Variants in ITSN2 observed in about 807,000 individuals in gnomAD.
ITSN2 encodes the protein intersectin 2, also known as intersectin-2.
ITSN2 carries 156 observed loss-of-function variants against 243.7 expected under a neutral mutation model. The observed-to-expected ratio is 0.64, with a 90% CI of 0.56 to 0.73. The LOEUF (loss-of-function observed/expected upper bound fraction) is 0.73. ITSN2 is among the 30% of genes least tolerant of loss of function. ITSN2 has a pLI of 0.00. For missense variants in ITSN2, 1,801 were observed against 1,996.1 expected (o/e 0.90, Z 1.86); for synonymous variants, 703 against 699.9 (o/e 1.00, Z -0.07).
chr2:24,207,497 GGA>G (rs1669020199), intron 37 of ITSN2, among the ~76,000 whole-genome samples: 1 of 152,140 alleles, frequency 6.6e-6, no homozygotes, highest in African/African-American at 2.4e-5. Context: ...CGCGGGCTTG[GGA>G]GAGTGTGGCT....
Position 24,211,027 on chromosome 2 carries a change from C to A in ITSN2, c.4090-80G>T. 7.3e-7 allele frequency: 1 copy of A among 1,373,254 alleles called. No individual in the cohort carries two copies. The highest frequency in any genetic ancestry group is 1.0e-6 in the Non-Finnish European group (1 of 978,394). 85.1% of individuals were successfully genotyped at this position (1,373,254 alleles called of 1,614,324 possible). Reference sequence around the variant, plus strand: ...CTGGACCTTCGCAGGACCGCTCCTCCAACCCCATGTTATGGACTGCTTCCA... The same window carrying A: ...CTGGACCTTCGCAGGACCGCTCCTCAAACCCCATGTTATGGACTGCTTCCA... On this transcript the variant is annotated intron_variant, in intron 33 of 39. Coordinates refer to ENST00000355123, the MANE Select transcript of ITSN2 (RefSeq NM_006277.3). The surrounding 1 kb of genome is among the most constrained non-coding windows in gnomAD (Gnocchi z 4.1).
chr2:24,234,414 G>A (rs1293620737), intron 29 of ITSN2, among the ~76,000 whole-genome samples: 1 of 152,060 alleles, frequency 6.6e-6, no homozygotes, highest in Non-Finnish European at 1.5e-5. Flanking sequence ...TAGTGTAAGC[G>A]AAAATCTAGA....
At chr2:24,313,813 A>G (rs1207533794) in intron 3 of ITSN2, among the ~76,000 whole-genome samples, 1 of 152,228 alleles carries the variant, frequency 6.6e-6, no homozygotes, top group Non-Finnish European at 1.5e-5. Context: ...TCCACTTAGT[A>G]AAATTTATAT....
intron 1 of ITSN2, among the ~76,000 whole-genome samples, chr2:24,356,025 C>A (rs1030959929): frequency 8.5e-5 from 13 of 152,168 alleles, no homozygotes; most frequent in African/African-American, 2.9e-4. Context: ...CATGGTGAAA[C>A]CCCATCTCTA....
intron 17 of ITSN2, among the ~76,000 whole-genome samples, chr2:24,283,506 G>A (rs1043095982): frequency 2.0e-5 from 3 of 152,336 alleles, no homozygotes; most frequent in Non-Finnish European, 4.4e-5. Flanking sequence ...GATTACAGGC[G>A]TGAGCCACTG....
At chr2:24,299,546 T>C (rs1039273343) in intron 12 of ITSN2, among the ~76,000 whole-genome samples, 4 of 152,292 alleles carry the variant, frequency 2.6e-5, no homozygotes, top group Non-Finnish European at 2.9e-5. Flanking sequence ...TTTCTGTCTC[T>C]CCAATTCCTT....
intron 1 of ITSN2, among the ~76,000 whole-genome samples, chr2:24,337,321 T>TATATATATACAC (rs1553395918): frequency 3.7e-5 from 3 of 80,914 alleles, no homozygotes; most frequent in Middle Eastern, 4.8e-3. Context: ...ACAAAATATA[T>TATATATATACAC]ATATATATAT....
intron 27 of ITSN2, among the ~76,000 whole-genome samples, chr2:24,247,497 T>C (rs1422275417): frequency 1.3e-5 from 2 of 152,168 alleles, no homozygotes; most frequent in African/African-American, 4.8e-5. Context: ...CTTACAGAAC[T>C]TGAGAGTAGT....
At chr2:24,306,829 C>CA (rs1488057386) in intron 8 of ITSN2, among the ~76,000 whole-genome samples, 1 of 150,140 alleles carries the variant, frequency 6.7e-6, no homozygotes, top group Non-Finnish European at 1.5e-5. Context: ...TTTTTTGAGA[C>CA]AGAGTCTCGT....
intron 17 of ITSN2, among the ~76,000 whole-genome samples, chr2:24,277,983 C>T (rs1344246296): frequency 6.6e-6 from 1 of 152,206 alleles, no homozygotes; most frequent in Non-Finnish European, 1.5e-5. Flanking sequence ...ACGTGCCTCA[C>T]AGAGTTGTTG....
chr2:24,275,499 T>C (rs1489271274), intron 18 of ITSN2, among the ~76,000 whole-genome samples: 2 of 152,234 alleles, frequency 1.3e-5, no homozygotes, highest in Non-Finnish European at 2.9e-5. Context: ...AGAATTCTAA[T>C]ACAGGTTTGA....
At chr2:24,360,153 A>AG (rs1243248237) in intron 1 of ITSN2, among the ~76,000 whole-genome samples, 151 bp downstream of exon 1, 1 of 152,016 alleles carries the variant, frequency 6.6e-6, no homozygotes, top group Non-Finnish European at 1.5e-5. Flanking sequence ...CCAGGGGCCT[A>AG]GCTCGGGGGC....
chr2:24,303,048 T>G (rs1681988646), intron 9 of ITSN2, among the ~76,000 whole-genome samples: 1 of 152,232 alleles, frequency 6.6e-6, no homozygotes, highest in Non-Finnish European at 1.5e-5. Context: ...AAGTACAGCA[T>G]ATACAATTAT....
chr2:24,349,237 T>C (rs966863565), intron 1 of ITSN2, among the ~76,000 whole-genome samples: 4 of 152,176 alleles, frequency 2.6e-5, no homozygotes, highest in African/African-American at 7.2e-5. Context: ...TATTGTAACA[T>C]GGAATTTGTT....
chr2:24,204,149 G>T lies in ITSN2; in HGVS notation c.4936+96C>A. ...AGGCCTGTGTCACTTCCCTGAAGTG[G>T]CATGGGGTCTGCACACAGCTGAAGC... On this transcript the variant is annotated intron_variant, in intron 39 of 39. Coordinates refer to ENST00000355123, the MANE Select transcript of ITSN2 (RefSeq NM_006277.3). This position sits in a 1 kb window ranked among gnomAD's most constrained non-coding sequence, Gnocchi z 5.1. 1 of 1,204,048 alleles carries T rather than the reference G, an allele frequency of 8.3e-7. No individual in the cohort carries two copies. Among genetic ancestry groups the T allele is most frequent in the Non-Finnish European group, 1.2e-6 (1 of 830,752 alleles). 74.6% of individuals were successfully genotyped at this position (1,204,048 alleles called of 1,614,324 possible).
chr2:24,246,383 T>C, intron 28 of ITSN2, 63 bp from the exon 29 acceptor site: 3 of 921,974 alleles, frequency 3.3e-6, no homozygotes, highest in Middle Eastern at 2.4e-4. Flanking sequence ...GGGTCAATCA[T>C]TTGTAATCTC....
chr2:24,311,959 G>A (rs1187693817), intron 5 of ITSN2, among the ~76,000 whole-genome samples: 2 of 152,160 alleles, frequency 1.3e-5, no homozygotes, highest in Non-Finnish European at 2.9e-5. Context: ...GCAACTAGGA[G>A]TTGTAAAAGG....
chr2:24,229,629 C>T (rs1204003298), intron 29 of ITSN2, among the ~76,000 whole-genome samples: 1 of 152,146 alleles, frequency 6.6e-6, no homozygotes, highest in Admixed American at 6.5e-5. Context: ...TTTCAACAAA[C>T]ACCAAGGAAT....
intron 1 of ITSN2, among the ~76,000 whole-genome samples, chr2:24,347,416 G>A (rs770098438): frequency 1.2e-4 from 18 of 152,170 alleles, no homozygotes; most frequent in Non-Finnish European, 2.1e-4. Context: ...GCCAGGCACT[G>A]GGGCTCACGC....
Sources: allele counts gnomAD v4.1 joint callset (sites outside exome capture counted in the v4.1 genomes callset), GRCh38; gene constraint gnomAD v4.1.1; non-coding constraint Gnocchi (gnomAD v3.1); transcripts MANE v1.5; gene names NCBI Gene and HGNC (gene_info 2026-07-23, HGNC 2026-07-21).